Variants in ARHGAP15 observed in about 807,000 individuals in gnomAD.
ARHGAP15 encodes Rho GTPase activating protein 15.
In ARHGAP15, 51 loss-of-function variants were observed where a neutral mutation model predicts 63.7. The observed-to-expected ratio is 0.80, with a 90% CI of 0.64 to 1.01. The LOEUF is 1.01. Among genes scored for constraint, ARHGAP15 ranks in the 50% least tolerant of loss-of-function variants. The pLI, the probability that ARHGAP15 is intolerant of heterozygous loss-of-function variation, is 0.00. For missense variants in ARHGAP15, 560 were observed against 564.6 expected, an observed-to-expected ratio of 0.99 and a Z score of 0.08; for synonymous variants, 191 against 193.8, an observed-to-expected ratio of 0.99 and a Z score of 0.12.
intron 12 of ARHGAP15, among the ~76,000 whole-genome samples, chr2:143,688,802 GAA>G (rs1285116265): frequency 6.6e-6 from 1 of 152,166 alleles, no homozygotes; most frequent in African/African-American, 2.4e-5. Flanking sequence ...GATTTAGTGA[GAA>G]AAGTGTTAGG....
chr2:143,583,948 C>G (rs1380321430), intron 11 of ARHGAP15, among the ~76,000 whole-genome samples: 5 of 152,140 alleles, frequency 3.3e-5, no homozygotes, highest in African/African-American at 1.2e-4. Flanking sequence ...TTAAGTGAAA[C>G]TTTTCTAGGT....
chr2:143,285,830 ACT>A (rs1477912203), intron 6 of ARHGAP15, among the ~76,000 whole-genome samples: 1 of 152,062 alleles, frequency 6.6e-6, no homozygotes, highest in Non-Finnish European at 1.5e-5. Context: ...TCCTAATAAA[ACT>A]CTGTCTTTAG....
rs143119052 is a variant in ARHGAP15 at position 143,616,712 on chromosome 2, G to A, written c.1004-7421G>A. Among the ~76,000 whole-genome samples, 1,104 of 152,276 alleles carry A rather than the reference G, an allele frequency of 7.2e-3. 8 individuals carry two copies. The highest frequency in any genetic ancestry group is 0.01 in the Non-Finnish European group (700 of 68,010). On this transcript the variant is annotated intron_variant, in intron 11 of 13. Transcript: ENST00000295095. ...AACCATCTATTCTACGCACAGGTCT[G>A]TCTCCTCTTGCCAGAAAGGAACCAT...
intron 9 of ARHGAP15, among the ~76,000 whole-genome samples, chr2:143,496,556 T>C (rs914815878): frequency 6.6e-6 from 1 of 152,234 alleles, no homozygotes; most frequent in Non-Finnish European, 1.5e-5. Context: ...TACACTTGAT[T>C]TTTTTAACCT....
At chr2:143,452,784 G>A (rs1220125133) in intron 8 of ARHGAP15, among the ~76,000 whole-genome samples, 1 of 151,464 alleles carries the variant, frequency 6.6e-6, no homozygotes, top group Non-Finnish European at 1.5e-5. Context: ...TTCTGTCTGT[G>A]TTTAATCTTT....
intron 10 of ARHGAP15, among the ~76,000 whole-genome samples, chr2:143,530,426 A>G (rs62173066): frequency 1.8e-4 from 28 of 152,198 alleles, no homozygotes; most frequent in Non-Finnish European, 3.7e-4. Context: ...TCTCTCAACA[A>G]ATAATGTTAA....
chr2:143,158,884 C>T (rs187397990), intron 2 of ARHGAP15, among the ~76,000 whole-genome samples: 1 of 152,026 alleles, frequency 6.6e-6, no homozygotes, highest in East Asian at 1.9e-4. Flanking sequence ...ATAGCTATTG[C>T]AAAAGGTTTA....
chr2:143,329,190 T>C (rs1000459274), intron 6 of ARHGAP15, among the ~76,000 whole-genome samples: 1 of 152,226 alleles, frequency 6.6e-6, no homozygotes, highest in African/African-American at 2.4e-5. Flanking sequence ...TAGGTTACAT[T>C]ATACGGCAAA....
chr2:143,172,820 G>A (rs975588047), intron 2 of ARHGAP15, among the ~76,000 whole-genome samples: 1 of 152,100 alleles, frequency 6.6e-6, no homozygotes, highest in African/African-American at 2.4e-5. Flanking sequence ...AATTACGTGA[G>A]TTTGGAGCTC....
chr2:143,347,814 ATTTTT>A (rs11351121), intron 6 of ARHGAP15, among the ~76,000 whole-genome samples: 2 of 140,470 alleles, frequency 1.4e-5, no homozygotes, highest in African/African-American at 5.2e-5. Context: ...TGACTTCGTG[ATTTTT>A]TTTTTTTTTT....
intron 2 of ARHGAP15, among the ~76,000 whole-genome samples, chr2:143,194,737 C>CA (rs1283716204): frequency 8.6e-5 from 13 of 151,942 alleles, no homozygotes; most frequent in Middle Eastern, 3.4e-3. Flanking sequence ...CGAAAATATA[C>CA]AAAAAACATA....
rs553161269 is a variant in ARHGAP15, at chr2:143,136,572, G to A, written c.-15+7106G>A. Among the ~76,000 whole-genome samples the A allele has an allele frequency of 2.6e-4, 39 of 151,924 alleles. 1 individual carries two copies. Among genetic ancestry groups the A allele is most frequent in the Non-Finnish European group, 3.7e-4 (25 of 67,930 alleles). ...ACCTTTTAGTCAGACTTTTTGTTGGGCCCCCGGCTCCAGGTGACTCCTGTG... is the reference window on the plus strand; with the variant it reads ...ACCTTTTAGTCAGACTTTTTGTTGGACCCCCGGCTCCAGGTGACTCCTGTG... On this transcript the variant is annotated intron_variant, in intron 1 of 13. Coordinates refer to ENST00000295095, the MANE Select transcript of ARHGAP15 (RefSeq NM_018460.4).
chr2:143,202,076 T>C, intron 2 of ARHGAP15, 58 bp from the exon 3 acceptor site: 1 of 1,342,942 alleles, frequency 7.4e-7, no homozygotes, highest in Middle Eastern at 2.3e-4. Context: ...ATGTGTATTC[T>C]TACTAAACTC....
At chr2:143,476,086 C>T (rs914155184) in intron 8 of ARHGAP15, among the ~76,000 whole-genome samples, 1 of 152,060 alleles carries the variant, frequency 6.6e-6, no homozygotes, top group African/African-American at 2.4e-5. Context: ...GAATTACCCT[C>T]GGAATTTAGG....
chr2:143,672,708 G>GA (rs1052904604), intron 12 of ARHGAP15, among the ~76,000 whole-genome samples: 6 of 152,242 alleles, frequency 3.9e-5, no homozygotes, highest in Non-Finnish European at 8.8e-5. Flanking sequence ...TCTAGTTTGA[G>GA]AATAAGTTAA....
intron 6 of ARHGAP15, among the ~76,000 whole-genome samples, chr2:143,296,769 C>T (rs886137835): frequency 3.3e-5 from 5 of 151,276 alleles, no homozygotes; most frequent in South Asian, 2.1e-4. Flanking sequence ...ACTATTTCAT[C>T]GCCTGTGTAT....
At chr2:143,319,775 A>T (rs1297076853) in intron 6 of ARHGAP15, among the ~76,000 whole-genome samples, 1 of 152,156 alleles carries the variant, frequency 6.6e-6, no homozygotes, top group Non-Finnish European at 1.5e-5. Flanking sequence ...TGTTCTGTGC[A>T]CTTATGGTTT....
intron 5 of ARHGAP15, among the ~76,000 whole-genome samples, chr2:143,231,070 T>C (rs967820260): frequency 1.1e-5 from 1 of 89,258 alleles, no homozygotes; most frequent in Non-Finnish European, 2.5e-5. Flanking sequence ...ATGTAATTCC[T>C]TTTTTTTTTT....
intron 8 of ARHGAP15, among the ~76,000 whole-genome samples, chr2:143,440,436 G>T (rs535255530): frequency 6.6e-6 from 1 of 152,000 alleles, no homozygotes; most frequent in Non-Finnish European, 1.5e-5. Context: ...CTTTATTGTC[G>T]GTTTTCTGCC....
Sources: gnomAD v4.1 joint callset for allele counts (sites outside exome capture counted in the v4.1 genomes callset) on GRCh38, gnomAD v4.1.1 for gene constraint, MANE v1.5 for transcripts, NCBI Gene and HGNC (gene_info 2026-07-23, HGNC 2026-07-21) for gene names.